NOVA1: variants seen among roughly 807,000 people sequenced by gnomAD.
The protein encoded by NOVA1 is NOVA alternative splicing regulator 1.
In NOVA1, 7 loss-of-function variants were observed where a neutral mutation model predicts 38.0. The ratio of observed to expected loss-of-function variants is 0.18; its 90% CI spans 0.10 to 0.35. NOVA1 has a LOEUF of 0.35. Among genes scored for constraint, NOVA1 ranks in the 10% least tolerant of loss-of-function variants. NOVA1 has a pLI of 1.00. For missense variants in NOVA1, 460 were observed against 616.0 expected (o/e 0.75, Z 2.68); for synonymous variants, 270 against 232.5 (o/e 1.16, Z -1.47).
chr14:26,540,113 CA>C (rs750556442), intron 2 of NOVA1, among the ~76,000 whole-genome samples: 24 of 152,126 alleles, frequency 1.6e-4, no homozygotes, highest in Admixed American at 2.0e-4. Context: ...ACAATTAAAT[CA>C]GGGGTCCCCA....
intron 2 of NOVA1, among the ~76,000 whole-genome samples, chr14:26,535,801 C>T (rs1396619366): frequency 6.6e-6 from 1 of 151,202 alleles, no homozygotes; most frequent in African/African-American, 2.4e-5. Context: ...ACTAAAAATA[C>T]AAAAAACAAA....
At chr14:26,513,640 T>A (rs1231113190) in intron 2 of NOVA1, among the ~76,000 whole-genome samples, 1 of 151,608 alleles carries the variant, frequency 6.6e-6, no homozygotes, top group Non-Finnish European at 1.5e-5. Flanking sequence ...AGTACAATAT[T>A]TTAAAAATGT....
chr14:26,498,701 C>A (rs1887011248), intron 2 of NOVA1, among the ~76,000 whole-genome samples: 1 of 152,142 alleles, frequency 6.6e-6, no homozygotes, highest in African/African-American at 2.4e-5. Context: ...ATTTGTCTGA[C>A]TACTTCACAA....
intron 1 of NOVA1, 141 bp downstream of exon 1, chr14:26,597,160 C>T: frequency 8.5e-7 from 1 of 1,182,840 alleles, no homozygotes; most frequent in South Asian, 4.4e-5. Context: ...GGGGCAGGGG[C>T]GCAGGGGCCG....
intron 2 of NOVA1, among the ~76,000 whole-genome samples, chr14:26,481,637 T>G (rs1885457886): frequency 6.6e-6 from 1 of 152,122 alleles, no homozygotes; most frequent in Admixed American, 6.5e-5. Flanking sequence ...TATATGGCTT[T>G]CATTTGTAAG....
chr14:26,504,746 G>A (rs936739626), intron 2 of NOVA1, among the ~76,000 whole-genome samples: 2 of 149,818 alleles, frequency 1.3e-5, no homozygotes, highest in African/African-American at 4.9e-5. Context: ...TGTCCAATAC[G>A]TAACTGCTGA....
intron 2 of NOVA1, among the ~76,000 whole-genome samples, chr14:26,548,887 G>A (rs574610955): frequency 3.3e-5 from 5 of 151,978 alleles, no homozygotes; most frequent in African/African-American, 9.6e-5. Context: ...CAGGAGGATC[G>A]CTTGAGGTCA....
At chr14:26,477,189 T>C (rs945156893) in intron 3 of NOVA1, among the ~76,000 whole-genome samples, 14 of 152,246 alleles carry the variant, frequency 9.2e-5, no homozygotes, top group Non-Finnish European at 1.6e-4. Flanking sequence ...TAATTATTCA[T>C]GCCCATGAAT....
intron 4 of NOVA1, among the ~76,000 whole-genome samples, chr14:26,461,760 C>T (rs906382014): frequency 9.7e-6 from 1 of 103,536 alleles, no homozygotes; most frequent in Admixed American, 1.3e-4. Flanking sequence ...GAAAGCCCAT[C>T]TTTACTAAAA....
chr14:26,544,887 A>C (rs543437950), intron 2 of NOVA1, among the ~76,000 whole-genome samples: 2 of 152,202 alleles, frequency 1.3e-5, no homozygotes, highest in South Asian at 2.1e-4. Context: ...GAATGAGTCT[A>C]TCTCTTCTAA....
chr14:26,490,197 T>C (rs1034020427), intron 2 of NOVA1, among the ~76,000 whole-genome samples: 1 of 152,228 alleles, frequency 6.6e-6, no homozygotes, highest in African/African-American at 2.4e-5. Context: ...ATTCCCTTAT[T>C]ACAGCGTAAC....
intron 2 of NOVA1, among the ~76,000 whole-genome samples, chr14:26,520,616 T>C (rs572321003): frequency 6.6e-6 from 1 of 152,268 alleles, no homozygotes; most frequent in South Asian, 2.1e-4. Flanking sequence ...TGAAAATATG[T>C]CAGGTGACTC....
At chr14:26,577,956 A>G (rs1892965388) in intron 2 of NOVA1, among the ~76,000 whole-genome samples, 1 of 151,980 alleles carries the variant, frequency 6.6e-6, no homozygotes, top group Non-Finnish European at 1.5e-5. Context: ...TGGATCACCA[A>G]GGGAGTAACC....
chr14:26,549,247 T>G (rs1010791837), intron 2 of NOVA1: 1 of 151,822 alleles, frequency 6.6e-6, no homozygotes, highest in Non-Finnish European at 1.5e-5. Flanking sequence ...CTGGCTTTGT[T>G]GCAAAACTCC....
chr14:26,597,500 CTTTTTTCTTT>C lies in NOVA1; in HGVS notation c.-74_-65del. 2.4e-6 allele frequency: 2 copies of C among 850,760 alleles called. No individual in the cohort carries two copies. The highest frequency in any genetic ancestry group is 1.4e-6 in the Non-Finnish European group (1 of 702,820). 52.7% of individuals were successfully genotyped at this position (850,760 alleles called of 1,614,324 possible). ...CCCTTTTGTTTTGGCTTTTTCTTTT[CTTTTTTCTTT>C]TTTTTTTTTTTTTTTTTTTGCGTTT... On this transcript the variant is annotated 5_prime_UTR_variant, in exon 1 of 5. Transcript: ENST00000539517.
At chr14:26,578,579 G>C (rs1032228409) in intron 2 of NOVA1, among the ~76,000 whole-genome samples, 1 of 152,116 alleles carries the variant, frequency 6.6e-6, no homozygotes, top group Non-Finnish European at 1.5e-5. Context: ...ATATACTTAG[G>C]TAGGTAGATC....
chr14:26,532,758 T>C (rs1889812180), intron 2 of NOVA1, among the ~76,000 whole-genome samples: 1 of 152,220 alleles, frequency 6.6e-6, no homozygotes, highest in Non-Finnish European at 1.5e-5. Context: ...TTGATATCCA[T>C]ATCTTATGAA....
chr14:26,493,412 T>A (rs1886511722), intron 2 of NOVA1, among the ~76,000 whole-genome samples: 1 of 152,244 alleles, frequency 6.6e-6, no homozygotes, highest in South Asian at 2.1e-4. Context: ...TTCTTTCATA[T>A]AAGTCTCTCT....
Position 26,480,284 on chromosome 14 carries a change from T to C in NOVA1, c.281-141A>G, listed in dbSNP as rs145648632. On this transcript the variant is annotated intron_variant, in intron 2 of 4. Transcript: ENST00000539517. Reference sequence around the variant, plus strand: ...ACATTTAATTGAACCACACGTAATATATACATGTCTCTTCTCATGATTCCT... The same window carrying C: ...ACATTTAATTGAACCACACGTAATACATACATGTCTCTTCTCATGATTCCT... The C allele has an allele frequency of 3.9e-3, 2,637 of 683,060 alleles. 72 individuals carry two copies. In the Admixed American group the frequency reaches 0.042, roughly 11 times the overall value. 42.3% of individuals were successfully genotyped at this position (683,060 alleles called of 1,614,324 possible).
Sources: gnomAD v4.1 joint callset for allele counts (sites outside exome capture counted in the v4.1 genomes callset) on GRCh38, gnomAD v4.1.1 for gene constraint, MANE v1.5 for transcripts, NCBI Gene and HGNC (gene_info 2026-07-23, HGNC 2026-07-21) for gene names.